LRFN2: variants seen among roughly 807,000 people sequenced by gnomAD.
LRFN2 encodes leucine-rich repeat and fibronectin type-III domain-containing protein 2.
In LRFN2, 18 loss-of-function variants were observed where a neutral mutation model predicts 37.3. The ratio of observed to expected loss-of-function variants is 0.48; its 90% CI spans 0.33 to 0.72. The LOEUF (loss-of-function observed/expected upper bound fraction) is 0.72, where lower values mean the gene tolerates loss of function less well. Among genes scored for constraint, LRFN2 ranks in the 30% least tolerant of loss-of-function variants. The pLI is 0.02. For missense variants in LRFN2, 1,006 were observed against 1,060.7 expected (o/e 0.95, Z 0.72); for synonymous variants, 556 against 466.6 (o/e 1.19, Z -2.47).
chr6:40,403,781 G>A (rs1762790829), intron 2 of LRFN2, among the ~76,000 whole-genome samples: 1 of 152,082 alleles, frequency 6.6e-6, no homozygotes, highest in South Asian at 2.1e-4. Flanking sequence ...TAAAACCCAG[G>A]TCACATCCTG....
rs75847711 is a variant in LRFN2, at chr6:40,560,787, T to C, written c.-19+26154A>G. ...TGTCATAGTATATCTGTTTCCATTA[T>C]ACAAGTGTTGGTTATTTGTATGTTT... is the stretch of plus-strand genomic sequence containing the variant. On this transcript the variant is annotated intron_variant, in intron 1 of 2. Transcript: ENST00000338305. Among the ~76,000 whole-genome samples the C allele has an allele frequency of 6.6e-5, 10 of 152,358 alleles. No homozygotes were observed. The South Asian group carries it at 1.0e-3, about 16-fold the overall frequency.
At chr6:40,509,230 T>A (rs1374198602) in intron 1 of LRFN2, among the ~76,000 whole-genome samples, 3 of 152,266 alleles carry the variant, frequency 2.0e-5, no homozygotes, top group Non-Finnish European at 4.4e-5. Flanking sequence ...TTTCTATGAA[T>A]AATCTTGTTC....
At chr6:40,479,837 C>T (rs1465648278) in intron 1 of LRFN2, among the ~76,000 whole-genome samples, 1 of 152,228 alleles carries the variant, frequency 6.6e-6, no homozygotes, top group Non-Finnish European at 1.5e-5. Flanking sequence ...TCCTCCTTCT[C>T]TCCAGCACGC....
intron 2 of LRFN2, among the ~76,000 whole-genome samples, chr6:40,406,869 G>T (rs1019998565): frequency 1.9e-4 from 29 of 152,182 alleles, no homozygotes; most frequent in African/African-American, 5.8e-4. Flanking sequence ...CTGGCAGGCT[G>T]CCCCGTCTGA....
At chr6:40,565,928 C>T (rs974914406) in intron 1 of LRFN2, among the ~76,000 whole-genome samples, 18 of 151,842 alleles carry the variant, frequency 1.2e-4, no homozygotes, top group Middle Eastern at 3.4e-3. Context: ...CAAAAGAAAC[C>T]ACCATCAGAG....
At chr6:40,458,521 G>A (rs1764281338) in intron 1 of LRFN2, among the ~76,000 whole-genome samples, 1 of 152,194 alleles carries the variant, frequency 6.6e-6, no homozygotes, top group Non-Finnish European at 1.5e-5. Flanking sequence ...ATAGTCCAGA[G>A]CAACATAAAG....
At chr6:40,579,889 G>C (rs1169169718) in intron 1 of LRFN2, among the ~76,000 whole-genome samples, 1 of 152,164 alleles carries the variant, frequency 6.6e-6, no homozygotes, top group African/African-American at 2.4e-5. Flanking sequence ...AACAGAGGAA[G>C]ACTGCTAGCC....
intron 1 of LRFN2, among the ~76,000 whole-genome samples, chr6:40,439,044 AG>A (rs1763764381): frequency 6.6e-6 from 1 of 152,118 alleles, no homozygotes. Context: ...CCCCCCAGCC[AG>A]GGGCTTCCTC....
intron 2 of LRFN2, among the ~76,000 whole-genome samples, chr6:40,421,456 C>T (rs552705970): frequency 3.9e-5 from 6 of 152,116 alleles, no homozygotes; most frequent in African/African-American, 7.2e-5. Flanking sequence ...AGAGGTGGGT[C>T]GCTTTGAGGT....
At chr6:40,572,307 G>T (rs1319568652) in intron 1 of LRFN2, among the ~76,000 whole-genome samples, 1 of 152,156 alleles carries the variant, frequency 6.6e-6, no homozygotes, top group Admixed American at 6.5e-5. Flanking sequence ...TGCTTACTTA[G>T]TATGAACATC....
chr6:40,471,785 G>A (rs993144455), intron 1 of LRFN2, among the ~76,000 whole-genome samples: 4 of 152,182 alleles, frequency 2.6e-5, no homozygotes, highest in African/African-American at 7.2e-5. Context: ...ACTAAGAGAG[G>A]TGCCTTCTCT....
intron 1 of LRFN2, among the ~76,000 whole-genome samples, chr6:40,460,033 G>A (rs1236225666): frequency 6.6e-6 from 1 of 152,252 alleles, no homozygotes; most frequent in East Asian, 1.9e-4. Context: ...GGGACAAATG[G>A]GTGCCCATGA....
intron 1 of LRFN2, among the ~76,000 whole-genome samples, chr6:40,504,749 C>T (rs1765485122): frequency 6.6e-6 from 1 of 152,072 alleles, no homozygotes; most frequent in Non-Finnish European, 1.5e-5. Context: ...GCCTCACTCT[C>T]CAGCCCTTTT....
chr6:40,540,909 G>A (rs531340302), intron 1 of LRFN2, among the ~76,000 whole-genome samples: 82 of 152,276 alleles, frequency 5.4e-4, no homozygotes, highest in African/African-American at 1.8e-3. Flanking sequence ...GGCCAGAAGC[G>A]GTCTATCAGA....
chr6:40,392,574 T>C lies in LRFN2; in HGVS notation c.1739A>G (p.Asn580Ser), dbSNP rs764108679. 3 of 1,606,046 alleles carry C rather than the reference T, an allele frequency of 1.9e-6. No homozygotes were observed. The highest frequency in any genetic ancestry group is 1.7e-5 in the Admixed American group (1 of 59,962). The change falls in exon 3 of 3, where the codon AAC becomes AGC. Residue 580 changes from asparagine to serine, a missense_variant. By Grantham distance (46) the Asn-to-Ser change is conservative. This residue lies in a region of LRFN2 where 398 missense variants were observed against 327.6 expected (regional missense o/e 1.21). Transcript: ENST00000338305. The surrounding 1 kb of genome is among the most constrained non-coding windows in gnomAD (Gnocchi z 4.7). Reference sequence around the variant, plus strand: ...GCTTGGAGGCGGTGGCTGGGCGCCGTTGGTCTGCGAGTACACATTGCTCAC... The same window carrying C: ...GCTTGGAGGCGGTGGCTGGGCGCCGCTGGTCTGCGAGTACACATTGCTCAC... The part of the protein sequence containing the change: ...AAVSNVYSQT[N>S]GAQPPPPSSA...
intron 1 of LRFN2, among the ~76,000 whole-genome samples, chr6:40,585,881 T>C (rs1767492793): frequency 2.0e-5 from 3 of 150,742 alleles, no homozygotes; most frequent in Admixed American, 2.0e-4. Flanking sequence ...ACACACTCCA[T>C]TGTGGCCAGG....
intron 1 of LRFN2, among the ~76,000 whole-genome samples, chr6:40,515,786 G>A (rs983980667): frequency 2.0e-5 from 3 of 151,738 alleles, no homozygotes; most frequent in Admixed American, 6.6e-5. Context: ...CCAGGTACTC[G>A]GGAGGCTGAG....
intron 1 of LRFN2, among the ~76,000 whole-genome samples, chr6:40,489,448 G>A (rs983198293): frequency 2.6e-5 from 4 of 152,156 alleles, no homozygotes; most frequent in South Asian, 2.1e-4. Flanking sequence ...CCTAACACCC[G>A]GTCTCCAGGC....
At position 40,392,266 on chromosome 6, in the gene LRFN2, C is replaced by T; in HGVS notation, c.2047G>A (p.Gly683Arg). ...TGGCCCCGGGCCGACGTCCCAGCCC[C>T]TCTCCCGGCTGGAGTCCTGGAGTCC... is the stretch of plus-strand genomic sequence containing the variant. Reference protein sequence around the residue: ...LLDSRTPAGRGAGTSARGHHS... With the variant: ...LLDSRTPAGRRAGTSARGHHS... Residue 683 changes from glycine to arginine, a missense_variant, in exon 3 of 3, where the codon GGG becomes AGG. Physicochemically the swap from Gly to Arg is moderately radical, Grantham distance 125. Around this residue, in one of 4 missense-constraint regions of LRFN2, gnomAD observed 398 missense variants for 327.6 expected, o/e 1.21. Coordinates refer to ENST00000338305, the MANE Select transcript of LRFN2 (RefSeq NM_020737.3). This position sits in a 1 kb window ranked among gnomAD's most constrained non-coding sequence, Gnocchi z 4.7. The T allele has an allele frequency of 1.3e-6, 2 of 1,596,922 alleles. No individual in the cohort carries two copies. The highest frequency in any genetic ancestry group is 1.3e-5 in the African/African-American group (1 of 74,648).
Sources: allele counts gnomAD v4.1 joint callset (sites outside exome capture counted in the v4.1 genomes callset), GRCh38; gene constraint gnomAD v4.1.1; regional missense constraint gnomAD v4.1.1; non-coding constraint Gnocchi (gnomAD v3.1); transcripts MANE v1.5; gene names NCBI Gene and HGNC (gene_info 2026-07-23, HGNC 2026-07-21).